The following GRID1 variants were observed in gnomAD, a reference collection of about 807,000 sequenced individuals.
GRID1 encodes glutamate ionotropic receptor delta type subunit 1, also known as glutamate receptor ionotropic, delta-1.
A neutral mutation model predicts 98.0 loss-of-function variants in GRID1; 28 were observed. The ratio of observed to expected loss-of-function variants is 0.29; its 90% confidence interval spans 0.21 to 0.39. The LOEUF is 0.39. Ranked by LOEUF, GRID1 falls within the 10% of genes least tolerant of loss-of-function variation. GRID1 has a pLI of 1.00. For synonymous variants in GRID1, 553 were observed against 538.5 expected (o/e 1.03, Z -0.37); for missense variants, 1,111 against 1,340.5 (o/e 0.83, Z 2.67).
At chr10:85,628,656 A>G (rs1380042386) in intron 13 of GRID1, among the ~76,000 whole-genome samples, 1 of 152,186 alleles carries the variant, frequency 6.6e-6, no homozygotes, top group African/African-American at 2.4e-5. Context: ...CTGCTACCCA[A>G]AGAATGAAAG....
chr10:85,657,046 C>T (rs1010684194), intron 12 of GRID1, among the ~76,000 whole-genome samples: 2 of 152,128 alleles, frequency 1.3e-5, no homozygotes, highest in Non-Finnish European at 2.9e-5. Context: ...TACCAGCCTC[C>T]CTGCCCTCCC....
intron 8 of GRID1, among the ~76,000 whole-genome samples, chr10:85,837,283 C>T (rs1590257064): frequency 1.3e-5 from 2 of 152,330 alleles, no homozygotes; most frequent in South Asian, 4.1e-4. Flanking sequence ...TTGTCCCAAA[C>T]CAACTCCACC....
chr10:86,160,032 CCAT>C (rs1441821333), intron 3 of GRID1, among the ~76,000 whole-genome samples: 1 of 152,092 alleles, frequency 6.6e-6, no homozygotes, highest in Non-Finnish European at 1.5e-5. Context: ...AACATCACCA[CCAT>C]CAACACCAGC....
intron 2 of GRID1, among the ~76,000 whole-genome samples, chr10:86,310,839 C>T (rs1262787029): frequency 4.6e-5 from 7 of 152,222 alleles, no homozygotes; most frequent in Non-Finnish European, 7.3e-5. Context: ...TACAACTTGG[C>T]TGTCTTTGGT....
intron 4 of GRID1, among the ~76,000 whole-genome samples, chr10:86,058,194 T>C (rs1336543809): frequency 6.6e-6 from 1 of 151,976 alleles, no homozygotes; most frequent in African/African-American, 2.4e-5. Context: ...AGCCCTCCTA[T>C]GGAAAGGAAG....
intron 13 of GRID1, chr10:85,643,951 G>A (rs1427635322): frequency 1.3e-5 from 2 of 152,092 alleles, no homozygotes; most frequent in South Asian, 2.1e-4. Flanking sequence ...ATCACCAGAC[G>A]GTGAGTGGTT....
intron 2 of GRID1, among the ~76,000 whole-genome samples, chr10:86,218,925 C>T (rs548514707): frequency 4.6e-5 from 7 of 152,348 alleles, no homozygotes; most frequent in African/African-American, 1.7e-4. Flanking sequence ...CAGGACAATG[C>T]GGGATGTACA....
intron 4 of GRID1, among the ~76,000 whole-genome samples, chr10:86,027,271 C>G (rs1339008736): frequency 6.6e-6 from 1 of 152,134 alleles, no homozygotes; most frequent in East Asian, 1.9e-4. Flanking sequence ...TCTCCGCAGC[C>G]CCTGCAACCA....
intron 8 of GRID1, among the ~76,000 whole-genome samples, chr10:85,744,386 G>C (rs1158811713): frequency 6.6e-6 from 1 of 151,626 alleles, no homozygotes; most frequent in Non-Finnish European, 1.5e-5. Context: ...TTTTAAAATG[G>C]AACAGAACAG....
chr10:85,927,531 G>A (rs952219850), intron 4 of GRID1, among the ~76,000 whole-genome samples: 5 of 149,094 alleles, frequency 3.4e-5, no homozygotes, highest in Admixed American at 6.7e-5. Flanking sequence ...AAAAATCTGT[G>A]GGAAAGTTGG....
intron 5 of GRID1, among the ~76,000 whole-genome samples, chr10:85,875,080 A>C (rs1448688415): frequency 6.6e-6 from 1 of 152,052 alleles, no homozygotes; most frequent in Non-Finnish European, 1.5e-5. Context: ...GGGTTTCACC[A>C]TGTTGGTCAG....
chr10:86,136,447 A>G (rs1164318284), intron 4 of GRID1, among the ~76,000 whole-genome samples: 1 of 152,214 alleles, frequency 6.6e-6, no homozygotes, highest in Admixed American at 6.5e-5. Flanking sequence ...TCACAGATGG[A>G]AGAGAGGGGC....
chr10:85,777,223 A>C (rs1842340287), intron 8 of GRID1, among the ~76,000 whole-genome samples: 1 of 152,162 alleles, frequency 6.6e-6, no homozygotes, highest in Non-Finnish European at 1.5e-5. Context: ...CAGAATTAGC[A>C]GTGGGCAAAG....
At chr10:85,865,904 C>CATATATAT (rs1467791476) in intron 6 of GRID1, among the ~76,000 whole-genome samples, 7 of 52,406 alleles carry the variant, frequency 1.3e-4, no homozygotes, top group African/African-American at 5.7e-4. Context: ...AAGTGTTTTA[C>CATATATAT]ATATATACAT....
chr10:86,212,888 C>T (rs1001245874), intron 2 of GRID1, among the ~76,000 whole-genome samples: 1 of 152,050 alleles, frequency 6.6e-6, no homozygotes, highest in African/African-American at 2.4e-5. Flanking sequence ...TAAAAGGTAA[C>T]CAAAACCATA....
At chr10:86,185,286 T>G (rs565894251) in intron 3 of GRID1, among the ~76,000 whole-genome samples, 2 of 152,300 alleles carry the variant, frequency 1.3e-5, no homozygotes, top group African/African-American at 4.8e-5. Context: ...AATTGTTCAT[T>G]GCTAGTATGT....
chr10:86,217,246 C>A (rs1846188901), intron 2 of GRID1, among the ~76,000 whole-genome samples: 1 of 152,230 alleles, frequency 6.6e-6, no homozygotes, highest in African/African-American at 2.4e-5. Flanking sequence ...GACAGTCAGG[C>A]CACTGTGGTA....
intron 4 of GRID1, among the ~76,000 whole-genome samples, chr10:86,086,939 A>G (rs557777922): frequency 3.9e-5 from 6 of 152,324 alleles, no homozygotes; most frequent in African/African-American, 1.4e-4. Flanking sequence ...GGCTGAACTA[A>G]TTGCAAACTC....
chr10:85,714,409 T>G (rs1841615901), intron 12 of GRID1, among the ~76,000 whole-genome samples: 2 of 151,930 alleles, frequency 1.3e-5, no homozygotes, highest in African/African-American at 4.8e-5. Context: ...TAAAAGTTTT[T>G]TTTTAAAAAA....
Sources: allele counts gnomAD v4.1 joint callset (sites outside exome capture counted in the v4.1 genomes callset), GRCh38; gene constraint gnomAD v4.1.1; transcripts MANE v1.5; gene names NCBI Gene and HGNC (gene_info 2026-07-23, HGNC 2026-07-21).